Variants in NSUN4 observed in about 807,000 individuals in gnomAD.
NSUN4 encodes the protein NOP2/Sun RNA methyltransferase 4.
NSUN4 carries 31 observed loss-of-function variants against 43.8 expected under a neutral mutation model. The ratio of observed to expected loss-of-function variants is 0.71; its 90% CI spans 0.53 to 0.96. The LOEUF (loss-of-function observed/expected upper bound fraction) is 0.96. Ranked by LOEUF, NSUN4 falls within the 40% of genes least tolerant of loss-of-function variation. The pLI is 0.00. For synonymous variants in NSUN4, 167 were observed against 184.1 expected, an observed-to-expected ratio of 0.91 and a Z score of 0.75; for missense variants, 439 against 475.6, an observed-to-expected ratio of 0.92 and a Z score of 0.72.
intron 4 of NSUN4, among the ~76,000 whole-genome samples, chr1:46,355,949 G>C (rs1008315048): frequency 3.9e-5 from 6 of 152,030 alleles, no homozygotes; most frequent in African/African-American, 1.4e-4. Context: ...GGGAGGCAGA[G>C]GTTGCAGTGA....
intron 1 of NSUN4, chr1:46,342,564 T>TA: frequency 2.5e-6 from 1 of 399,418 alleles, no homozygotes; most frequent in Non-Finnish European, 4.4e-6. Flanking sequence ...TGGGAACTCT[T>TA]ACCTCATCCT....
chr1:46,359,494 C>A (rs12084298), intron 4 of NSUN4, among the ~76,000 whole-genome samples: 1 of 151,606 alleles, frequency 6.6e-6, no homozygotes. Context: ...ATTCTCCCAC[C>A]TCAGCCTCCT....
At chr1:46,343,498 C>T (rs537473168) in intron 1 of NSUN4, 6 of 399,558 alleles carry the variant, frequency 1.5e-5, no homozygotes, top group East Asian at 7.1e-5. Context: ...AGCTGTAGTT[C>T]GACTATTATT....
intron 1 of NSUN4, chr1:46,343,417 A>G: frequency 2.5e-6 from 1 of 399,532 alleles, no homozygotes; most frequent in Non-Finnish European, 4.4e-6. Flanking sequence ...GGCCCTTGCA[A>G]AGAGCCTCTG....
the NSUN4 span, among the ~76,000 whole-genome samples, chr1:46,381,280 C>T: frequency 6.6e-6 from 1 of 152,132 alleles, no homozygotes; most frequent in African/African-American, 2.4e-5. Flanking sequence ...TTAAGTTTCC[C>T]TAGAGCACAG....
intron 3 of NSUN4, among the ~76,000 whole-genome samples, chr1:46,348,112 C>G (rs1029870141): frequency 6.6e-6 from 1 of 152,130 alleles, no homozygotes; most frequent in Non-Finnish European, 1.5e-5. Flanking sequence ...AATCTCCTGA[C>G]CTTGTGATCT....
intron 1 of NSUN4, chr1:46,342,584 C>T (rs1237848057): frequency 1.5e-5 from 6 of 399,404 alleles, no homozygotes; most frequent in African/African-American, 6.2e-5. Context: ...TAACCCCGGA[C>T]ACCACAACTT....
the NSUN4 span, among the ~76,000 whole-genome samples, chr1:46,375,157 C>G: frequency 6.6e-6 from 1 of 152,074 alleles, no homozygotes; most frequent in African/African-American, 2.4e-5. Context: ...AGAATGGGGC[C>G]AGGCGTGGTG....
rs1663965111 is a variant in NSUN4 at position 46,362,839 on chromosome 1, C to G, written c.*993C>G. The G allele has an allele frequency of 1.3e-5, 2 of 152,128 alleles. No homozygotes were observed. 9.4% of individuals were successfully genotyped at this position (152,128 alleles called of 1,614,324 possible). ...CTCAGCATCACAGGGCTTCACTGCACACACTGTGTTCAGGGCAAGATTTCA... is the reference window on the plus strand; with the variant it reads ...CTCAGCATCACAGGGCTTCACTGCAGACACTGTGTTCAGGGCAAGATTTCA... On this transcript the variant is annotated 3_prime_UTR_variant, in exon 6 of 6. Coordinates refer to ENST00000474844, the MANE Select transcript of NSUN4 (RefSeq NM_199044.4).
chr1:46,371,989 C>T, the NSUN4 span, among the ~76,000 whole-genome samples: 3 of 152,112 alleles, frequency 2.0e-5, no homozygotes, highest in African/African-American at 7.2e-5. Context: ...GGGTTTACAT[C>T]TCAACATGAG....
intron 2 of NSUN4, among the ~76,000 whole-genome samples, chr1:46,346,288 ACCTGTAAT>A (rs1662488128): frequency 6.7e-6 from 1 of 148,882 alleles, no homozygotes; most frequent in African/African-American, 2.5e-5. Flanking sequence ...AGTGGTTCAC[ACCTGTAAT>A]CCCAGCACTT....
chr1:46,358,338 T>C (rs6677394), intron 4 of NSUN4, among the ~76,000 whole-genome samples: 27,897 of 140,796 alleles, frequency 0.2, 3,772 homozygotes, highest in Non-Finnish European at 0.26. Flanking sequence ...TCAGGTGATC[T>C]GCCCGCCTCG....
chr1:46,373,247 G>C, the NSUN4 span, among the ~76,000 whole-genome samples: 1 of 152,170 alleles, frequency 6.6e-6, no homozygotes, highest in Non-Finnish European at 1.5e-5. Flanking sequence ...TACAGACCAT[G>C]CTCCTAGCCA....
the NSUN4 span, among the ~76,000 whole-genome samples, chr1:46,384,554 A>T: frequency 6.6e-6 from 1 of 152,106 alleles, no homozygotes; most frequent in East Asian, 1.9e-4. Flanking sequence ...CTGTAAAGGG[A>T]TCATTTACCC....
At chr1:46,348,309 C>T (rs1175816631) in intron 3 of NSUN4, among the ~76,000 whole-genome samples, 1 of 152,210 alleles carries the variant, frequency 6.6e-6, no homozygotes, top group East Asian at 1.9e-4. Flanking sequence ...CTCTGCTGGC[C>T]GGTTCAGAAA....
At chr1:46,341,796 C>T (rs373483745) in intron 1 of NSUN4, 6 of 1,232,388 alleles carry the variant, frequency 4.9e-6, no homozygotes, top group Non-Finnish European at 6.1e-6. Context: ...GGGGTCACCC[C>T]CTCTCTGTCA....
Position 46,360,742 on chromosome 1 carries a change from C to G in NSUN4, c.792C>G (p.Ser264=). 1 of 1,613,996 alleles carries G rather than the reference C, an allele frequency of 6.2e-7. No individual in the cohort carries two copies. Among genetic ancestry groups the G allele is most frequent in the Non-Finnish European group, 8.5e-7 (1 of 1,179,904 alleles). ...VDVPCTTDRH[S]LHEEENNIFK... ...TGCCCTGTACCACAGACCGCCACTCCCTTCATGAGGAGGAGAACAACATCT... is the reference window on the plus strand; with the variant it reads ...TGCCCTGTACCACAGACCGCCACTCGCTTCATGAGGAGGAGAACAACATCT... Residue 264 remains serine, a synonymous_variant, in exon 5 of 6, where the codon TCC becomes TCG. Transcript: ENST00000474844.
rs35804070 is a variant in NSUN4, at chr1:46,364,141, CAAAA to C, written c.*2311_*2314del. 1.8e-5 allele frequency: 2 copies of C among 110,472 alleles called. No homozygotes were observed. Among genetic ancestry groups the C allele is most frequent in the African/African-American group, 3.5e-5 (1 of 28,932 alleles). 6.8% of individuals were successfully genotyped at this position (110,472 alleles called of 1,614,324 possible). A position where few individuals can be genotyped will look rare whatever the true frequency, so the allele number is the denominator to read the frequency against. On this transcript the variant is annotated 3_prime_UTR_variant, in exon 6 of 6. Transcript: ENST00000474844. ...CAATGTAGTGAGACCTGGTCTTTAC[CAAAA>C]AAAAAAAAAAAAAAATTAGCTGGGT...
rs865908533 is a variant in NSUN4 at position 46,347,728 on chromosome 1, A to G, written c.592+653A>G. 7.2e-5 allele frequency among the ~76,000 whole-genome samples: 11 copies of G among 152,176 alleles called. No homozygotes were observed. In the Middle Eastern group the frequency reaches 0.017, roughly 235 times the overall value. ...AGATCTGCCTGCAGCCACCATTTAT[A>G]TGCTTTATATGTCACTCTTCTAGGC... On this transcript the variant is annotated intron_variant, in intron 3 of 5. Transcript: ENST00000474844.
Sources: gnomAD v4.1 joint callset for allele counts (sites outside exome capture counted in the v4.1 genomes callset) on GRCh38, gnomAD v4.1.1 for gene constraint, MANE v1.5 for transcripts, NCBI Gene and HGNC (gene_info 2026-07-23, HGNC 2026-07-21) for gene names.